Variants in TRAK1 observed in about 807,000 individuals in gnomAD.
The protein encoded by TRAK1 is trafficking kinesin protein 1.
TRAK1 carries 33 observed loss-of-function variants against 92.1 expected under a neutral mutation model. That is an observed-to-expected ratio of 0.36 (90% confidence interval 0.27 to 0.48). The LOEUF (loss-of-function observed/expected upper bound fraction) is 0.48. Among genes scored for constraint, TRAK1 ranks in the 20% least tolerant of loss-of-function variants. The probability of loss-of-function intolerance (pLI) is 0.99; values close to 1 mark genes in which losing one functional copy is unlikely to be tolerated. For missense variants in TRAK1, 1,123 were observed against 1,257.9 expected, an observed-to-expected ratio of 0.89 and a Z score of 1.62; for synonymous variants, 521 against 517.3, an observed-to-expected ratio of 1.01 and a Z score of -0.10.
intron 1 of TRAK1, among the ~76,000 whole-genome samples, chr3:42,043,966 A>G (rs1467914522): frequency 6.6e-6 from 1 of 152,108 alleles, no homozygotes; most frequent in Non-Finnish European, 1.5e-5. Flanking sequence ...CAAGTTTACT[A>G]TTTTGAAAAT....
At chr3:42,084,936 A>C (rs1704604438), upstream of TRAK1, among the ~76,000 whole-genome samples, 1 of 149,394 alleles carries the variant, frequency 6.7e-6, no homozygotes, top group Non-Finnish European at 1.5e-5. Flanking sequence ...CATCCTTCCC[A>C]TTTTCATATT....
chr3:42,034,290 G>A (rs1702249644), intron 1 of TRAK1, among the ~76,000 whole-genome samples: 2 of 150,854 alleles, frequency 1.3e-5, no homozygotes, highest in African/African-American at 4.9e-5. Context: ...TGGGTCATAG[G>A]GTCCTTTTTT....
chr3:42,112,824 G>A (rs1367021614), intron 1 of TRAK1, among the ~76,000 whole-genome samples: 2 of 151,872 alleles, frequency 1.3e-5, no homozygotes, highest in Non-Finnish European at 2.9e-5. Context: ...AGGCTGGAGT[G>A]TAGTGGCATG....
At chr3:42,150,247 C>T (rs778244533) in intron 2 of TRAK1, among the ~76,000 whole-genome samples, 2 of 152,086 alleles carry the variant, frequency 1.3e-5, no homozygotes, top group Non-Finnish European at 2.9e-5. Flanking sequence ...GGGTGTGGCA[C>T]ATTCCAAGGG....
rs145692583 is a variant in TRAK1, at chr3:42,079,437, C to G, written c.-518-7667C>G. ...CTGGTGCTCTGGTTCTCATTTTCTC[C>G]TTACAATCTCTGAGTTTGTCGTGAA... On this transcript the variant is annotated intron_variant, in intron 1 of 16. Transcript: ENST00000487159. Among the ~76,000 whole-genome samples the G allele has an allele frequency of 2.8e-4, 42 of 150,460 alleles. 2 individuals are homozygous for G. In the East Asian group the frequency reaches 7.6e-3, roughly 27 times the overall value.
intron 2 of TRAK1, among the ~76,000 whole-genome samples, chr3:42,127,259 TA>T (rs2149148150): frequency 6.6e-6 from 1 of 152,258 alleles, no homozygotes; most frequent in South Asian, 2.1e-4. Context: ...CTGCGTTACT[TA>T]CCTTTCCTTA....
At chr3:42,086,627 G>T (rs1340843352), upstream of TRAK1, among the ~76,000 whole-genome samples, 1 of 151,964 alleles carries the variant, frequency 6.6e-6, no homozygotes, top group Non-Finnish European at 1.5e-5. Context: ...ATTTTCATCA[G>T]GTTCTTAAAG....
At chr3:42,072,564 TTC>T (rs1386294110) in intron 1 of TRAK1, among the ~76,000 whole-genome samples, 9 of 109,440 alleles carry the variant, frequency 8.2e-5, no homozygotes, top group East Asian at 4.7e-4. Context: ...TTTTTTTTTT[TTC>T]TTTCTCTTTT....
chr3:42,056,095 T>C (rs1703195215), intron 1 of TRAK1, among the ~76,000 whole-genome samples: 1 of 152,272 alleles, frequency 6.6e-6, no homozygotes, highest in Admixed American at 6.5e-5. Context: ...TGGTAAACTT[T>C]TGGATTATTT....
intron 1 of TRAK1, among the ~76,000 whole-genome samples, chr3:42,109,222 G>A (rs1312283504): frequency 2.0e-5 from 3 of 152,070 alleles, no homozygotes; most frequent in African/African-American, 7.2e-5. Flanking sequence ...AGTGCTTATG[G>A]TACCACTCCA....
chr3:42,220,552 A>C, intron 15 of TRAK1: 2 of 985,364 alleles, frequency 2.0e-6, no homozygotes, highest in Non-Finnish European at 2.4e-6. Flanking sequence ...CTGAGAGGAG[A>C]TATAGGGCAG....
intron 1 of TRAK1, among the ~76,000 whole-genome samples, chr3:42,101,042 A>G (rs1398861846): frequency 6.6e-6 from 1 of 152,250 alleles, no homozygotes; most frequent in African/African-American, 2.4e-5. Flanking sequence ...TCCAAATCCT[A>G]GTGGTTCCTA....
At chr3:42,138,312 CAG>C (rs1698209506) in intron 2 of TRAK1, among the ~76,000 whole-genome samples, 1 of 152,122 alleles carries the variant, frequency 6.6e-6, no homozygotes, top group Admixed American at 6.6e-5. Context: ...TTTTCATCTT[CAG>C]AGAGTAAATT....
intron 14 of TRAK1, among the ~76,000 whole-genome samples, chr3:42,213,822 G>A (rs1228142905): frequency 1.3e-5 from 2 of 152,186 alleles, no homozygotes; most frequent in East Asian, 1.9e-4. Context: ...GAGAGTTGAT[G>A]TGAGTTCCCA....
intron 1 of TRAK1, among the ~76,000 whole-genome samples, chr3:42,046,914 C>G (rs186810421): frequency 6.6e-6 from 1 of 152,122 alleles, no homozygotes; most frequent in East Asian, 1.9e-4. Context: ...CCTGAGTGCC[C>G]TGAAATTATT....
chr3:42,028,505 G>A (rs1373035170), intron 1 of TRAK1, among the ~76,000 whole-genome samples: 1 of 152,204 alleles, frequency 6.6e-6, no homozygotes, highest in African/African-American at 2.4e-5. Flanking sequence ...ATGATACCAG[G>A]TAGTGACTAG....
Position 42,202,253 on chromosome 3 carries a change from G to A in TRAK1, c.1428-183G>A, listed in dbSNP as rs1707735841. 2.0e-5 allele frequency among the ~76,000 whole-genome samples: 3 copies of A among 152,066 alleles called. No homozygotes were observed. The highest frequency in any genetic ancestry group is 1.3e-4 in the Admixed American group (2 of 15,274). ...TCAACCCCACTAAAAAAGACCCCTGGCGGGAGTGGTTCTGGACACGAATTT... is the reference window on the plus strand; with the variant it reads ...TCAACCCCACTAAAAAAGACCCCTGACGGGAGTGGTTCTGGACACGAATTT... On this transcript the variant is annotated intron_variant, in intron 12 of 15. Transcript: ENST00000327628. This position sits in a 1 kb window ranked among gnomAD's most constrained non-coding sequence, Gnocchi z 6.1.
chr3:42,203,367 A>G lies in TRAK1; in HGVS notation c.1744+615A>G, dbSNP rs1189272663. 5.1e-6 allele frequency: 5 copies of G among 986,114 alleles called. No individual in the cohort carries two copies. The African/African-American group carries it at 5.2e-5, about 10-fold the overall frequency. The allele number at this position is 986,114 out of a possible 1,614,324, so 61.1% of individuals were successfully genotyped here. ...GAAGGGGTGGCTGTGGAGACAAGTGAGTTTTGTACCTCCGTAAGCCACCCT... is the reference window on the plus strand; with the variant it reads ...GAAGGGGTGGCTGTGGAGACAAGTGGGTTTTGTACCTCCGTAAGCCACCCT... On this transcript the variant is annotated intron_variant, in intron 13 of 15. Transcript: ENST00000327628.
At chr3:42,171,971 C>A (rs1239432321) in intron 2 of TRAK1, among the ~76,000 whole-genome samples, 1 of 152,184 alleles carries the variant, frequency 6.6e-6, no homozygotes, top group East Asian at 1.9e-4. Flanking sequence ...CCTCCATCCC[C>A]CCTCTCCGTC....
Sources: allele counts gnomAD v4.1 joint callset (sites outside exome capture counted in the v4.1 genomes callset), GRCh38; gene constraint gnomAD v4.1.1; non-coding constraint Gnocchi (gnomAD v3.1); transcripts MANE v1.5; gene names NCBI Gene and HGNC (gene_info 2026-07-23, HGNC 2026-07-21).